The following CPED1 variants were observed in gnomAD, a reference collection of about 807,000 sequenced individuals.
CPED1 encodes the protein cadherin like and PC-esterase domain containing 1.
Under a neutral mutation model 128.2 loss-of-function variants are expected in CPED1, and 114 were observed. The observed-to-expected ratio is 0.89, with a 90% CI of 0.76 to 1.04. The LOEUF (loss-of-function observed/expected upper bound fraction) is 1.04. Among genes scored for constraint, CPED1 ranks in the 50% least tolerant of loss-of-function variants. The probability of loss-of-function intolerance (pLI) is 0.00; values close to 1 mark genes in which losing one functional copy is unlikely to be tolerated. For synonymous variants in CPED1, 462 were observed against 426.7 expected (o/e 1.08, Z -1.02); for missense variants, 1,211 against 1,207.1 (o/e 1.00, Z -0.05).
In CPED1 at chr7:121,294,039, C is replaced by CT. The variant is rs112245455; in HGVS notation, c.2869-1396dup. ...GTACTTTTTCTCCTTCCCTTCCTCT[C>CT]TTTTTCTACTTCCCAACCTTTCCCC... On this transcript the variant is annotated intron_variant, in intron 22 of 22. Transcript: ENST00000310396. Among the ~76,000 whole-genome samples the CT allele has an allele frequency of 8.7e-3, 1,331 of 152,196 alleles. 31 individuals carry two copies. The highest frequency in any genetic ancestry group is 0.03 in the African/African-American group (1,255 of 41,534).
Position 121,036,144 on chromosome 7 carries a change from G to A in CPED1, c.434-10743G>A, listed in dbSNP as rs530086091. On this transcript the variant is annotated intron_variant, in intron 3 of 22. Coordinates refer to ENST00000310396, the MANE Select transcript of CPED1 (RefSeq NM_024913.5). ...TGCATTAAAAAAATTTATTTCAATA[G>A]GTTTCTGGAGAACAGGTGGCATTTG... Among the ~76,000 whole-genome samples the A allele has an allele frequency of 3.3e-5, 5 of 152,174 alleles. No homozygotes were observed. In the South Asian group the frequency reaches 1.0e-3, roughly 32 times the overall value.
chr7:121,194,010 C>T (rs1329803322), intron 16 of CPED1, among the ~76,000 whole-genome samples: 2 of 67,428 alleles, frequency 3.0e-5, no homozygotes, highest in African/African-American at 1.1e-4. Flanking sequence ...CTCTCTCTCT[C>T]TCTCTCTCTC....
At chr7:121,173,086 T>C (rs997068407) in intron 16 of CPED1, among the ~76,000 whole-genome samples, 4 of 152,172 alleles carry the variant, frequency 2.6e-5, no homozygotes, top group African/African-American at 9.6e-5. Context: ...TGGTATCTTA[T>C]CATTTGGCTC....
intron 22 of CPED1, among the ~76,000 whole-genome samples, chr7:121,287,889 A>T (rs1247448075): frequency 1.3e-5 from 2 of 152,130 alleles, no homozygotes; most frequent in Admixed American, 1.3e-4. Flanking sequence ...TTGTAATGGG[A>T]TCTTTTCTCT....
intron 22 of CPED1, among the ~76,000 whole-genome samples, chr7:121,291,284 G>A (rs1023745713): frequency 1.3e-5 from 2 of 152,182 alleles, no homozygotes; most frequent in African/African-American, 4.8e-5. Flanking sequence ...TTGGTTATAC[G>A]GGCTTCTTTT....
intron 16 of CPED1, among the ~76,000 whole-genome samples, chr7:121,214,205 C>T (rs1338075366): frequency 6.6e-6 from 1 of 152,032 alleles, no homozygotes; most frequent in Non-Finnish European, 1.5e-5. Flanking sequence ...TGCTGGGTTT[C>T]TCCACTGTAA....
chr7:121,224,117 C>T (rs547410251), intron 16 of CPED1, among the ~76,000 whole-genome samples: 2 of 152,290 alleles, frequency 1.3e-5, no homozygotes, highest in East Asian at 3.9e-4. Context: ...TTTCCCTCTA[C>T]ACACTGCTTT....
chr7:121,060,857 CTT>C (rs1159471980), intron 4 of CPED1, among the ~76,000 whole-genome samples: 24 of 152,344 alleles, frequency 1.6e-4, no homozygotes, highest in Non-Finnish European at 1.3e-4. Flanking sequence ...GCTGCTCACT[CTT>C]TGGGTCCACA....
intron 16 of CPED1, among the ~76,000 whole-genome samples, chr7:121,200,304 C>T (rs1012229697): frequency 1.3e-5 from 2 of 152,066 alleles, no homozygotes; most frequent in African/African-American, 4.8e-5. Context: ...GAAATTTTCT[C>T]CAGCCTCTCT....
chr7:121,161,421 G>T (rs1584558834), intron 16 of CPED1, among the ~76,000 whole-genome samples: 2 of 152,012 alleles, frequency 1.3e-5, no homozygotes, highest in East Asian at 3.9e-4. Context: ...CCAGCAATGG[G>T]GACTCTCACA....
At chr7:121,280,967 C>T (rs1040328215) in intron 22 of CPED1, among the ~76,000 whole-genome samples, 3 of 152,158 alleles carry the variant, frequency 2.0e-5, no homozygotes, top group African/African-American at 4.8e-5. Flanking sequence ...TGTTTTCCAG[C>T]CTCAGAAAGC....
chr7:121,016,439 G>C (rs1205854568), intron 3 of CPED1, among the ~76,000 whole-genome samples: 2 of 152,198 alleles, frequency 1.3e-5, no homozygotes, highest in East Asian at 1.9e-4. Flanking sequence ...TCTTGAACAA[G>C]TAACTGTGGC....
intron 16 of CPED1, among the ~76,000 whole-genome samples, chr7:121,145,397 G>C (rs942239997): frequency 1.1e-4 from 16 of 151,884 alleles, no homozygotes; most frequent in Non-Finnish European, 1.9e-4. Context: ...AAAGTATGTT[G>C]GTAATTTATA....
At chr7:121,090,053 G>A (rs1219418140) in intron 5 of CPED1, among the ~76,000 whole-genome samples, 1 of 152,174 alleles carries the variant, frequency 6.6e-6, no homozygotes, top group Non-Finnish European at 1.5e-5. Flanking sequence ...AGAACTCAAG[G>A]TTCTTATGTG....
chr7:121,063,381 GAAA>G (rs368502123), intron 4 of CPED1, among the ~76,000 whole-genome samples: 39 of 67,042 alleles, frequency 5.8e-4, no homozygotes, highest in East Asian at 4.6e-3. Context: ...TGAAGAAACT[GAAA>G]AAAAAAAAAA....
chr7:121,219,315 A>G (rs1797827399), intron 16 of CPED1, among the ~76,000 whole-genome samples: 1 of 151,996 alleles, frequency 6.6e-6, no homozygotes, highest in Admixed American at 6.6e-5. Context: ...TACAAAGACC[A>G]GAGACTCATA....
chr7:121,194,080 G>C (rs1584585946), intron 16 of CPED1, among the ~76,000 whole-genome samples: 1 of 87,060 alleles, frequency 1.1e-5, no homozygotes, highest in Non-Finnish European at 2.1e-5. Context: ...ACAGAATCTT[G>C]CTCTGTTGCC....
At chr7:121,123,445 T>C (rs540511777) in intron 7 of CPED1, among the ~76,000 whole-genome samples, 2 of 152,304 alleles carry the variant, frequency 1.3e-5, no homozygotes, top group Admixed American at 1.3e-4. Flanking sequence ...ACCTGCTGCA[T>C]GTTTTTTCAA....
At chr7:121,285,991 A>G (rs556416325) in intron 22 of CPED1, among the ~76,000 whole-genome samples, 2 of 152,308 alleles carry the variant, frequency 1.3e-5, no homozygotes, top group South Asian at 4.1e-4. Flanking sequence ...AGACTGGGTA[A>G]TTTATAAAGG....
Sources: allele counts gnomAD v4.1 joint callset (sites outside exome capture counted in the v4.1 genomes callset), GRCh38; gene constraint gnomAD v4.1.1; transcripts MANE v1.5; gene names NCBI Gene and HGNC (gene_info 2026-07-23, HGNC 2026-07-21).